EFCAB14: variants seen among roughly 807,000 people sequenced by gnomAD.
The protein encoded by EFCAB14 is EF-hand calcium binding domain 14.
EFCAB14 carries 43 observed loss-of-function variants against 56.5 expected under a neutral mutation model. The ratio of observed to expected loss-of-function variants is 0.76; its 90% CI spans 0.60 to 0.98. The LOEUF (loss-of-function observed/expected upper bound fraction) is 0.98, where lower values mean the gene tolerates loss of function less well. Ranked by LOEUF, EFCAB14 falls within the 50% of genes least tolerant of loss-of-function variation. The pLI is 0.00. For synonymous variants in EFCAB14, 235 were observed against 212.9 expected, an observed-to-expected ratio of 1.10 and a Z score of -0.90; for missense variants, 538 against 580.3, an observed-to-expected ratio of 0.93 and a Z score of 0.75.
intron 2 of EFCAB14, among the ~76,000 whole-genome samples, chr1:46,711,222 G>A (rs1371834): frequency 0.8 from 122,498 of 152,218 alleles, 49,456 homozygotes; most frequent in East Asian, 0.91. Flanking sequence ...TCATACAGTA[G>A]AAACATTTTA....
chr1:46,716,292 T>C lies in EFCAB14; in HGVS notation c.334+3A>G. The C allele has an allele frequency of 6.3e-7, 1 of 1,593,794 alleles. No homozygotes were observed. ...AAAAAAAAGAGAGTAACCACTTACTTACTTGTTCGAAATTTTTCCTTGAGG... is the reference window on the plus strand; with the variant it reads ...AAAAAAAAGAGAGTAACCACTTACTCACTTGTTCGAAATTTTTCCTTGAGG... On this transcript the variant is annotated splice_donor_region_variant and intron_variant, in intron 2 of 10. Coordinates refer to ENST00000371933, the MANE Select transcript of EFCAB14 (RefSeq NM_014774.3).
chr1:46,676,532 A>C lies in EFCAB14; in HGVS notation c.*1929T>G, dbSNP rs1676697069. The stretch of plus-strand genomic sequence containing the variant: ...AATACCTTCCAGGTACAGACATACT[A>C]TTTATGGTACAGTATATACAAATAT... On this transcript the variant is annotated 3_prime_UTR_variant, in exon 11 of 11. Coordinates refer to ENST00000371933, the MANE Select transcript of EFCAB14 (RefSeq NM_014774.3). 6.6e-6 allele frequency: 1 copy of C among 152,638 alleles called. No individual in the cohort carries two copies. Among genetic ancestry groups the C allele is most frequent in the Non-Finnish European group, 1.5e-5 (1 of 68,036 alleles). The allele number at this position is 152,638 out of a possible 1,614,324, so 9.5% of individuals were successfully genotyped here.
intron 5 of EFCAB14, among the ~76,000 whole-genome samples, chr1:46,691,071 C>A (rs1676983560): frequency 6.6e-6 from 1 of 152,132 alleles, no homozygotes; most frequent in South Asian, 2.1e-4. Flanking sequence ...GGGGCTGTCA[C>A]CCATTAAGTG....
intron 8 of EFCAB14, 123 bp from the exon 9 acceptor site, chr1:46,684,725 C>A: frequency 1.4e-6 from 1 of 705,160 alleles, no homozygotes; most frequent in Non-Finnish European, 2.4e-6. Context: ...CCTATAAAGA[C>A]AATAAAAGAA....
intron 4 of EFCAB14, 92 bp downstream of exon 4, chr1:46,696,459 A>G: frequency 8.1e-7 from 1 of 1,230,518 alleles, no homozygotes; most frequent in East Asian, 2.4e-5. Flanking sequence ...TAGGCTTTCA[A>G]TGAAAACTTA....
intron 2 of EFCAB14, among the ~76,000 whole-genome samples, chr1:46,714,170 C>T (rs1677351610): frequency 1.3e-5 from 2 of 151,966 alleles, no homozygotes; most frequent in Admixed American, 6.6e-5. Flanking sequence ...CTGTAGGCAG[C>T]CAAGAGAAGT....
At chr1:46,700,793 T>C (rs1677143154) in intron 3 of EFCAB14, among the ~76,000 whole-genome samples, 1 of 152,142 alleles carries the variant, frequency 6.6e-6, no homozygotes, top group African/African-American at 2.4e-5. Flanking sequence ...ATATATTCAG[T>C]GGAAAAGCAA....
At chr1:46,685,274 T>A in intron 8 of EFCAB14, 1 of 152,230 alleles carries the variant, frequency 6.6e-6, no homozygotes, top group Non-Finnish European at 1.5e-5. Flanking sequence ...CATATACAAA[T>A]ACATTTAATT....
chr1:46,718,115 G>C lies in EFCAB14; in HGVS notation c.-28C>G. On this transcript the variant is annotated 5_prime_UTR_variant, in exon 1 of 11. Coordinates refer to ENST00000371933, the MANE Select transcript of EFCAB14 (RefSeq NM_014774.3). ...TTTTGTGTGGGGTGAGTGGAGCCCC[G>C]ACTCCTGAGCTGCCAGGTTCGTACC... The C allele has an allele frequency of 6.2e-7, 1 of 1,606,968 alleles. No homozygotes were observed. The highest frequency in any genetic ancestry group is 1.3e-5 in the African/African-American group (1 of 74,804).
At chr1:46,714,513 C>T (rs954092371) in intron 2 of EFCAB14, among the ~76,000 whole-genome samples, 1 of 151,728 alleles carries the variant, frequency 6.6e-6, no homozygotes, top group Non-Finnish European at 1.5e-5. Flanking sequence ...TAATTTGGGC[C>T]GAGCACAATG....
At chr1:46,687,979 T>C (rs1321233926) in intron 7 of EFCAB14, among the ~76,000 whole-genome samples, 1 of 152,044 alleles carries the variant, frequency 6.6e-6, no homozygotes, top group East Asian at 1.9e-4. Context: ...TTTTCATGGC[T>C]CCCACCCCTA....
At chr1:46,685,474 G>A (rs997141643) in intron 8 of EFCAB14, among the ~76,000 whole-genome samples, 1 of 152,138 alleles carries the variant, frequency 6.6e-6, no homozygotes, top group African/African-American at 2.4e-5. Context: ...AATAGTTACT[G>A]TATAGTAGTT....
At chr1:46,701,329 T>A (rs1677154097) in intron 3 of EFCAB14, among the ~76,000 whole-genome samples, 1 of 152,088 alleles carries the variant, frequency 6.6e-6, no homozygotes, top group South Asian at 2.1e-4. Context: ...TGCCCCAAAG[T>A]ATGTACACAG....
intron 1 of EFCAB14, among the ~76,000 whole-genome samples, chr1:46,716,994 T>G (rs1396401902): frequency 6.6e-6 from 1 of 152,232 alleles, no homozygotes; most frequent in African/African-American, 2.4e-5. Flanking sequence ...GGGCTGGATT[T>G]CACACAAAAC....
rs115347800 is a variant in EFCAB14, at chr1:46,702,541, C to G, written c.480+5365G>C. Among the ~76,000 whole-genome samples the G allele has an allele frequency of 4.8e-3, 728 of 152,010 alleles. 4 individuals are homozygous for G. The highest frequency in any genetic ancestry group is 0.017 in the African/African-American group (702 of 41,304). On this transcript the variant is annotated intron_variant, in intron 3 of 10. Transcript: ENST00000371933. The stretch of plus-strand genomic sequence containing the variant: ...CTTAACTTCTTTGAACCTCAGTGTT[C>G]TTAACTGTAAAATGGAGAGAACACC...
At chr1:46,717,878 C>A in intron 1 of EFCAB14, 25 bp downstream of exon 1, 3 of 1,605,226 alleles carry the variant, frequency 1.9e-6, no homozygotes, top group South Asian at 1.1e-5. Context: ...GCCTTCTTCC[C>A]ATTCCACCTT....
intron 2 of EFCAB14, among the ~76,000 whole-genome samples, chr1:46,713,383 C>A (rs985054704): frequency 6.6e-6 from 1 of 152,176 alleles, no homozygotes; most frequent in Non-Finnish European, 1.5e-5. Context: ...AAAGCAGGGT[C>A]CGCAGTCCAG....
Position 46,678,520 on chromosome 1 carries a change from C to A in EFCAB14, c.1429G>T (p.Asp477Tyr). 2 of 1,614,122 alleles carry A rather than the reference C, an allele frequency of 1.2e-6. No individual in the cohort carries two copies. The highest frequency in any genetic ancestry group is 1.7e-6 in the Non-Finnish European group (2 of 1,180,024). ...GAGTATCTTCCATCTCCATCGGAAT[C>A]AAATGCTCTCAAGCTCTCTGGTTCT... ...MPEPESLRAF[D>Y]SDGDGRYSFL... Residue 477 changes from aspartate to tyrosine, a missense_variant, in exon 11 of 11, where the codon GAT (aspartate) becomes TAT (tyrosine). Coordinates refer to ENST00000371933, the MANE Select transcript of EFCAB14 (RefSeq NM_014774.3).
rs576925631 is a variant in EFCAB14 at position 46,697,747 on chromosome 1, C to T, written c.481-1098G>A. 2.2e-3 allele frequency among the ~76,000 whole-genome samples: 336 copies of T among 152,274 alleles called. 8 individuals are homozygous for T. In the East Asian group the frequency reaches 0.061, roughly 28 times the overall value. On this transcript the variant is annotated intron_variant, in intron 3 of 10. Coordinates refer to ENST00000371933, the MANE Select transcript of EFCAB14 (RefSeq NM_014774.3). ...GAGAGGCAAACAAGACCATGAAGCTCTGCTCTCATGGAGCATACATCCTAG... is the reference window on the plus strand; with the variant it reads ...GAGAGGCAAACAAGACCATGAAGCTTTGCTCTCATGGAGCATACATCCTAG...
Sources: allele counts gnomAD v4.1 joint callset (sites outside exome capture counted in the v4.1 genomes callset), GRCh38; gene constraint gnomAD v4.1.1; transcripts MANE v1.5; gene names NCBI Gene and HGNC (gene_info 2026-07-23, HGNC 2026-07-21).